SCHIP1: variants seen among roughly 807,000 people sequenced by gnomAD.
SCHIP1 encodes schwannomin-interacting protein 1.
SCHIP1 carries 8 observed loss-of-function variants against 29.7 expected under a neutral mutation model. The ratio of observed to expected loss-of-function variants is 0.27; its 90% CI spans 0.16 to 0.49. SCHIP1 has a LOEUF of 0.49. Among genes scored for constraint, SCHIP1 ranks in the 20% least tolerant of loss-of-function variants. SCHIP1 has a pLI of 0.99. For missense variants in SCHIP1, 193 were observed against 294.6 expected (o/e 0.66, Z 2.52); for synonymous variants, 76 against 94.9 (o/e 0.80, Z 1.16).
the SCHIP1 span, among the ~76,000 whole-genome samples, chr3:159,418,542 T>A: frequency 6.6e-6 from 1 of 152,262 alleles, no homozygotes; most frequent in African/African-American, 2.4e-5. Context: ...GAATTTGATA[T>A]TTATTAACTT....
At chr3:159,358,228 A>G in the SCHIP1 span, among the ~76,000 whole-genome samples, 1 of 152,146 alleles carries the variant, frequency 6.6e-6, no homozygotes, top group African/African-American at 2.4e-5. Flanking sequence ...TTTCTGCTGG[A>G]CATGCCTGGC....
At chr3:159,825,607 C>T in the SCHIP1 span, among the ~76,000 whole-genome samples, 3 of 152,192 alleles carry the variant, frequency 2.0e-5, no homozygotes, top group South Asian at 2.1e-4. Context: ...GAGAACTTCT[C>T]GAGAATTTCA....
At chr3:159,483,436 T>C in the SCHIP1 span, among the ~76,000 whole-genome samples, 20 of 152,220 alleles carry the variant, frequency 1.3e-4, no homozygotes, top group Admixed American at 1.3e-3. Context: ...TTCACAGTTA[T>C]TTAACAGATG....
the SCHIP1 span, chr3:159,721,737 A>G: frequency 2.3e-6 from 1 of 436,818 alleles, no homozygotes; most frequent in Non-Finnish European, 4.5e-6. Flanking sequence ...CCATGTTGGT[A>G]GGCACGAAGG....
the SCHIP1 span, among the ~76,000 whole-genome samples, chr3:159,339,680 A>G: frequency 2.0e-5 from 3 of 152,198 alleles, no homozygotes; most frequent in Non-Finnish European, 2.9e-5. Context: ...AAATTAGGGT[A>G]TACAACAATT....
chr3:159,310,975 A>G, the SCHIP1 span, among the ~76,000 whole-genome samples: 1 of 152,090 alleles, frequency 6.6e-6, no homozygotes, highest in African/African-American at 2.4e-5. Flanking sequence ...GCAAAGGTGA[A>G]TCTTCTACTT....
the SCHIP1 span, among the ~76,000 whole-genome samples, chr3:159,729,085 T>TC: frequency 6.6e-6 from 1 of 151,664 alleles, no homozygotes; most frequent in Non-Finnish European, 1.5e-5. Flanking sequence ...GAGGCAGAGG[T>TC]TGCAGTGAGC....
At chr3:159,750,257 GTGTGTGTATATATATATATATA>G in the SCHIP1 span, among the ~76,000 whole-genome samples, 11,192 of 134,616 alleles carry the variant, frequency 0.083, 478 homozygotes, top group African/African-American at 0.13. Flanking sequence ...GTGTGTATGT[GTGTGTGTATATATATATATATA>G]TATATATATA....
chr3:159,355,147 A>G, the SCHIP1 span, among the ~76,000 whole-genome samples: 1 of 152,196 alleles, frequency 6.6e-6, no homozygotes, highest in South Asian at 2.1e-4. Context: ...ACATTACAAC[A>G]ATTCAGGCTG....
At chr3:159,404,525 G>A in the SCHIP1 span, among the ~76,000 whole-genome samples, 1 of 152,274 alleles carries the variant, frequency 6.6e-6, no homozygotes, top group African/African-American at 2.4e-5. Flanking sequence ...TGGGGTGGTG[G>A]TGGCCATGAG....
the SCHIP1 span, among the ~76,000 whole-genome samples, chr3:159,801,776 T>C: frequency 6.6e-6 from 1 of 152,164 alleles, no homozygotes; most frequent in African/African-American, 2.4e-5. Context: ...CACAGTATCC[T>C]TATAATCACT....
At chr3:159,825,656 G>T in the SCHIP1 span, among the ~76,000 whole-genome samples, 3 of 152,120 alleles carry the variant, frequency 2.0e-5, no homozygotes, top group African/African-American at 7.2e-5. Flanking sequence ...TATATGCCTG[G>T]CACTGTGCCA....
At chr3:159,344,740 AAAG>A in the SCHIP1 span, among the ~76,000 whole-genome samples, 1 of 152,250 alleles carries the variant, frequency 6.6e-6, no homozygotes, top group Non-Finnish European at 1.5e-5. Context: ...TGGAATAGAA[AAAG>A]TTCATTAACT....
the SCHIP1 span, among the ~76,000 whole-genome samples, chr3:159,829,392 A>C: frequency 1.2e-4 from 18 of 152,106 alleles, no homozygotes; most frequent in South Asian, 6.2e-4. Context: ...CAAGCCCCCC[A>C]AAAAAAATCA....
chr3:159,698,763 C>T, the SCHIP1 span, among the ~76,000 whole-genome samples: 3 of 152,178 alleles, frequency 2.0e-5, no homozygotes, highest in Middle Eastern at 3.4e-3. Context: ...TTCAGTCTCC[C>T]GAGTAGCTGG....
At chr3:159,851,922 G>A (rs1712694478) in intron 1 of SCHIP1, among the ~76,000 whole-genome samples, 1 of 152,218 alleles carries the variant, frequency 6.6e-6, no homozygotes, top group Non-Finnish European at 1.5e-5. Context: ...TGTAACATCT[G>A]ACAAACATGC....
At chr3:159,771,602 T>C in the SCHIP1 span, among the ~76,000 whole-genome samples, 1 of 152,148 alleles carries the variant, frequency 6.6e-6, no homozygotes, top group African/African-American at 2.4e-5. Flanking sequence ...CTATTTATGA[T>C]GATTTTTGCT....
the SCHIP1 span, among the ~76,000 whole-genome samples, chr3:159,543,359 C>A: frequency 4.1e-5 from 4 of 98,638 alleles, no homozygotes; most frequent in African/African-American, 1.5e-4. Context: ...TCCCTCCCCC[C>A]TCCCCCCTCC....
chr3:159,276,179 C>A, the SCHIP1 span, among the ~76,000 whole-genome samples: 1 of 152,204 alleles, frequency 6.6e-6, no homozygotes, highest in Admixed American at 6.5e-5. Flanking sequence ...AGTCTCATCT[C>A]TGTTGCATCA....
Sources: allele counts gnomAD v4.1 joint callset (sites outside exome capture counted in the v4.1 genomes callset), GRCh38; gene constraint gnomAD v4.1.1; transcripts MANE v1.5; gene names NCBI Gene and HGNC (gene_info 2026-07-23, HGNC 2026-07-21).